NCOR2: variants seen among roughly 807,000 people sequenced by gnomAD.
NCOR2 encodes CTG repeat protein 26.
Under a neutral mutation model 262.9 loss-of-function variants are expected in NCOR2, and 81 were observed. The ratio of observed to expected loss-of-function variants is 0.31; its 90% confidence interval spans 0.26 to 0.37. The LOEUF (loss-of-function observed/expected upper bound fraction) is 0.37, where lower values mean the gene tolerates loss of function less well. Ranked by LOEUF, NCOR2 falls within the 10% of genes least tolerant of loss-of-function variation. NCOR2 has a pLI of 1.00. For missense variants in NCOR2, 3,385 were observed against 3,621.4 expected (o/e 0.93, Z 1.68); for synonymous variants, 1,659 against 1,559.3 (o/e 1.06, Z -1.51).
chr12:124,365,900 G>GTCCC (rs963392346), intron 20 of NCOR2, among the ~76,000 whole-genome samples: 3 of 152,120 alleles, frequency 2.0e-5, no homozygotes, highest in African/African-American at 7.2e-5. Context: ...GGTATCACCT[G>GTCCC]TCCCAACATT....
chr12:124,376,581 G>C (rs533905772), intron 18 of NCOR2, among the ~76,000 whole-genome samples: 1 of 152,322 alleles, frequency 6.6e-6, no homozygotes, highest in East Asian at 1.9e-4. Context: ...GAGACCCAAA[G>C]CTGGTGGGGA....
rs549952489 is a variant in NCOR2 at position 124,327,326 on chromosome 12, T to C, written c.7183+83A>G. 8 of 1,060,870 alleles carry C rather than the reference T, an allele frequency of 7.5e-6. No individual in the cohort carries two copies. In the East Asian group the frequency reaches 1.9e-4, roughly 25 times the overall value. The allele number at this position is 1,060,870 out of a possible 1,614,324, so 65.7% of individuals were successfully genotyped here. On this transcript the variant is annotated intron_variant, in intron 45 of 46. Coordinates refer to ENST00000405201, the Ensembl canonical transcript of NCOR2. ...CAAGCTCCAAAGCTCGAGGAGGGGG[T>C]TGTCAGAGGAGCGCGGAGGAGCGAG...
chr12:124,376,563 G>C (rs2040016244), intron 18 of NCOR2, among the ~76,000 whole-genome samples: 1 of 152,194 alleles, frequency 6.6e-6, no homozygotes, highest in South Asian at 2.1e-4. Flanking sequence ...TGGTCAACTT[G>C]GGTCAGAGAG....
rs934727102 is a variant in NCOR2, at chr12:124,457,440, C to T, written c.706-278G>A. On this transcript the variant is annotated intron_variant, in intron 5 of 46. Transcript: ENST00000405201. This position sits in a 1 kb window ranked among gnomAD's most constrained non-coding sequence, Gnocchi z 4.0. Reference sequence around the variant, plus strand: ...ACTGAAGCCTGCTCCCCGGCAGGCGCGCAGGCCTCGCTCCCCCAGGGCCCA... The same window carrying T: ...ACTGAAGCCTGCTCCCCGGCAGGCGTGCAGGCCTCGCTCCCCCAGGGCCCA... 6.6e-6 allele frequency among the ~76,000 whole-genome samples: 1 copy of T among 152,132 alleles called. No individual in the cohort carries two copies. Among genetic ancestry groups the T allele is most frequent in the Non-Finnish European group, 1.5e-5 (1 of 68,034 alleles).
At chr12:124,356,572 C>CCAGTGCAAA (rs915963859) in intron 23 of NCOR2, 70 bp downstream of exon 25, 3 of 1,279,234 alleles carry the variant, frequency 2.3e-6, no homozygotes, top group Non-Finnish European at 3.0e-6. Flanking sequence ...CAGCTCTGAG[C>CCAGTGCAAA]CAGTGCAAAC....
intron 4 of NCOR2, 68 bp from the exon 7 acceptor site, chr12:124,466,354 G>A: frequency 7.0e-7 from 1 of 1,432,256 alleles, no homozygotes; most frequent in Non-Finnish European, 9.6e-7. Context: ...CAGCCCCCAG[G>A]GCGCGGGGAG....
chr12:124,545,227 C>A (rs931740222), intron 1 of NCOR2, among the ~76,000 whole-genome samples: 1 of 152,074 alleles, frequency 6.6e-6, no homozygotes, highest in Admixed American at 6.5e-5. Context: ...CTCGGAGGGC[C>A]ACGATGAGAG....
At chr12:124,507,935 A>T (rs1180694332) in intron 1 of NCOR2, among the ~76,000 whole-genome samples, 1 of 152,258 alleles carries the variant, frequency 6.6e-6, no homozygotes, top group African/African-American at 2.4e-5. Flanking sequence ...CCATGCACGC[A>T]GGCCCTCAAG....
intron 9 of NCOR2, 135 bp downstream of exon 11, chr12:124,430,480 T>C (rs1228758364): frequency 9.6e-7 from 1 of 1,042,536 alleles, no homozygotes; most frequent in African/African-American, 1.6e-5. Context: ...GGCCAGGGTC[T>C]GGTAGGGCCC....
intron 44 of NCOR2, among the ~76,000 whole-genome samples, chr12:124,329,974 G>A (rs1254636587): frequency 6.6e-6 from 1 of 152,206 alleles, no homozygotes; most frequent in African/African-American, 2.4e-5. Context: ...AGGTGGAGGT[G>A]TCCTAGTTGG....
intron 3 of NCOR2, among the ~76,000 whole-genome samples, chr12:124,476,360 C>T (rs1241910124): frequency 6.6e-6 from 1 of 152,180 alleles, no homozygotes; most frequent in African/African-American, 2.4e-5. Flanking sequence ...AAACATGGCA[C>T]CCAGAGCCCG....
At chr12:124,334,793 G>A (rs901806575) in intron 40 of NCOR2, 176 bp from the exon 43 acceptor site, 1 of 593,802 alleles carries the variant, frequency 1.7e-6, no homozygotes, top group South Asian at 2.1e-5. Flanking sequence ...GCATGGGAGT[G>A]GGGCTGTGGT....
chr12:124,437,535 T>G (rs2044419029), intron 8 of NCOR2, among the ~76,000 whole-genome samples: 1 of 152,206 alleles, frequency 6.6e-6, no homozygotes, highest in South Asian at 2.1e-4. Flanking sequence ...AAGGCTCATT[T>G]GTAAGGGTGC....
rs754623421 is a variant in NCOR2 at position 124,495,202 on chromosome 12, G to A, written c.50C>T (p.Pro17Leu). The A allele has an allele frequency of 6.2e-7, 1 of 1,613,890 alleles. No individual in the cohort carries two copies. The highest frequency in any genetic ancestry group is 1.7e-5 in the Admixed American group (1 of 60,008). The change falls in exon 1 of 47, where the codon CCC becomes CTC. Residue 17 changes from proline to leucine, a missense_variant. Pro to Leu is a moderately conservative substitution (Grantham distance 98). This residue lies in a region of NCOR2 where 237 missense variants were observed against 229.4 expected (regional missense o/e 1.03). Transcript: ENST00000405201. The surrounding 1 kb of genome is among the most constrained non-coding windows in gnomAD (Gnocchi z 4.4). ...GGAAAGGCTGTGGGGCGGGTAGCGG[G>A]GCTCAGTGGCCCTCCACGTCTGTGC...
At chr12:124,506,567 T>C (rs1478574636) in intron 1 of NCOR2, among the ~76,000 whole-genome samples, 1 of 146,574 alleles carries the variant, frequency 6.8e-6, no homozygotes, top group Admixed American at 6.7e-5. Context: ...TCCAGGTTCC[T>C]GTGGCTCCAC....
At chr12:124,436,007 G>A (rs1177928406) in intron 8 of NCOR2, among the ~76,000 whole-genome samples, 1 of 152,244 alleles carries the variant, frequency 6.6e-6, no homozygotes, top group Non-Finnish European at 1.5e-5. Context: ...AACAGGCACC[G>A]GAAGGGCAGG....
chr12:124,476,370 G>A (rs911708920), intron 3 of NCOR2, among the ~76,000 whole-genome samples: 16 of 152,154 alleles, frequency 1.1e-4, no homozygotes, highest in African/African-American at 3.1e-4. Flanking sequence ...CCCAGAGCCC[G>A]GTCGCACTAC....
exon 33 of NCOR2, chr12:124,343,075 G>A (rs1223276411): frequency 1.2e-6 from 2 of 1,612,482 alleles, no homozygotes; most frequent in East Asian, 4.5e-5. Context: ...TGCGATACAG[G>A]TCCACGCCAC....
At chr12:124,478,520 T>C (rs2047227826) in intron 3 of NCOR2, among the ~76,000 whole-genome samples, 1 of 152,114 alleles carries the variant, frequency 6.6e-6, no homozygotes, top group South Asian at 2.1e-4. Flanking sequence ...ATCAAATTCC[T>C]GCCTCAGGCG....
Sources: gnomAD v4.1 joint callset for allele counts (sites outside exome capture counted in the v4.1 genomes callset) on GRCh38, gnomAD v4.1.1 for gene constraint, gnomAD v4.1.1 regional missense constraint, Gnocchi (gnomAD v3.1) non-coding constraint, MANE v1.5 for transcripts, NCBI Gene and HGNC (gene_info 2026-07-23, HGNC 2026-07-21) for gene names.